FARS2: variants seen among roughly 807,000 people sequenced by gnomAD.
FARS2 encodes the protein phenylalanine--tRNA ligase, mitochondrial.
In FARS2, 40 loss-of-function variants were observed where a neutral mutation model predicts 46.4. The ratio of observed to expected loss-of-function variants is 0.86; its 90% CI spans 0.67 to 1.12. The LOEUF is 1.12. Ranked by LOEUF, FARS2 falls within the 50% of genes most tolerant of loss-of-function variation. The pLI is 0.00. For synonymous variants in FARS2, 234 were observed against 214.9 expected, an observed-to-expected ratio of 1.09 and a Z score of -0.78; for missense variants, 513 against 567.9, an observed-to-expected ratio of 0.90 and a Z score of 0.98.
intron 1 of FARS2, among the ~76,000 whole-genome samples, chr6:5,332,234 G>A (rs1482538475): frequency 1.3e-5 from 2 of 152,172 alleles, no homozygotes; most frequent in Non-Finnish European, 2.9e-5. Context: ...GCAGTGGGTT[G>A]TATGCTGGAA....
intron 1 of FARS2, among the ~76,000 whole-genome samples, chr6:5,300,247 A>T (rs1229951395): frequency 6.6e-6 from 1 of 152,124 alleles, no homozygotes; most frequent in East Asian, 1.9e-4. Flanking sequence ...ACCTTTTTTG[A>T]TATAGGTAGA....
At chr6:5,563,708 G>A (rs574508360) in intron 5 of FARS2, among the ~76,000 whole-genome samples, 1 of 152,288 alleles carries the variant, frequency 6.6e-6, no homozygotes, top group South Asian at 2.1e-4. Flanking sequence ...GCACCATTTG[G>A]AGTTTGATTG....
chr6:5,653,571 C>A (rs935337067), intron 6 of FARS2, among the ~76,000 whole-genome samples: 1 of 152,282 alleles, frequency 6.6e-6, no homozygotes, highest in African/African-American at 2.4e-5. Flanking sequence ...TCTGACGAGA[C>A]TGGTGTATGA....
At chr6:5,434,050 C>T (rs773216250) in intron 4 of FARS2, among the ~76,000 whole-genome samples, 8 of 152,054 alleles carry the variant, frequency 5.3e-5, no homozygotes, top group Admixed American at 1.3e-4. Context: ...TTCAGAGATT[C>T]GCAGTGATGG....
intron 4 of FARS2, among the ~76,000 whole-genome samples, chr6:5,434,225 C>T (rs1271926859): frequency 6.6e-6 from 1 of 152,124 alleles, no homozygotes; most frequent in Non-Finnish European, 1.5e-5. Flanking sequence ...GATTCTTGTG[C>T]CTCAGCCTCC....
At chr6:5,580,990 C>T (rs772532794) in intron 5 of FARS2, among the ~76,000 whole-genome samples, 9 of 152,214 alleles carry the variant, frequency 5.9e-5, no homozygotes, top group Non-Finnish European at 1.2e-4. Context: ...CCTCTGTGTG[C>T]ATGAAATTAA....
At chr6:5,377,220 C>T (rs1270459309) in intron 2 of FARS2, among the ~76,000 whole-genome samples, 1 of 152,198 alleles carries the variant, frequency 6.6e-6, no homozygotes. Flanking sequence ...GACCAGTGCT[C>T]AGACAAGTTC....
At chr6:5,484,542 C>T (rs1178054807) in intron 4 of FARS2, among the ~76,000 whole-genome samples, 1 of 152,194 alleles carries the variant, frequency 6.6e-6, no homozygotes, top group African/African-American at 2.4e-5. Context: ...TTAGTATAAA[C>T]TGAAATAGCC....
chr6:5,636,501 A>G (rs1421779128), intron 6 of FARS2, among the ~76,000 whole-genome samples: 1 of 152,212 alleles, frequency 6.6e-6, no homozygotes, highest in Admixed American at 6.5e-5. Context: ...AGGAATTTAC[A>G]ATTGGCAATG....
intron 6 of FARS2, among the ~76,000 whole-genome samples, chr6:5,640,212 G>A (rs1314029756): frequency 6.6e-6 from 1 of 151,588 alleles, no homozygotes; most frequent in African/African-American, 2.4e-5. Flanking sequence ...GTGTACACAC[G>A]TACTTGCACA....
chr6:5,585,399 T>C (rs1046160755), intron 5 of FARS2, among the ~76,000 whole-genome samples: 5 of 152,156 alleles, frequency 3.3e-5, no homozygotes, highest in Non-Finnish European at 5.9e-5. Context: ...ATAGTAACCA[T>C]ACTGTGTATT....
At chr6:5,355,104 T>C (rs141145719) in intron 1 of FARS2, among the ~76,000 whole-genome samples, 2 of 152,292 alleles carry the variant, frequency 1.3e-5, no homozygotes, top group East Asian at 3.9e-4. Context: ...TTTTAAAATA[T>C]TTTAATTTTG....
chr6:5,673,127 T>C (rs762731183), intron 6 of FARS2, among the ~76,000 whole-genome samples: 11 of 152,138 alleles, frequency 7.2e-5, no homozygotes, highest in Non-Finnish European at 1.3e-4. Context: ...GAAAGGCAAA[T>C]GATAGAATAT....
intron 6 of FARS2, among the ~76,000 whole-genome samples, chr6:5,640,713 C>T (rs547539801): frequency 2.4e-4 from 36 of 152,340 alleles, no homozygotes; most frequent in African/African-American, 8.2e-4. Context: ...AACAATACTG[C>T]ACACCAGACA....
intron 4 of FARS2, among the ~76,000 whole-genome samples, chr6:5,486,592 G>A (rs1228425305): frequency 6.6e-6 from 1 of 152,204 alleles, no homozygotes; most frequent in East Asian, 1.9e-4. Context: ...AGCCAGTGCT[G>A]TATTGATAAG....
chr6:5,535,487 A>G (rs931811161), intron 4 of FARS2, among the ~76,000 whole-genome samples: 4 of 151,976 alleles, frequency 2.6e-5, no homozygotes, highest in Non-Finnish European at 4.4e-5. Flanking sequence ...TTCAGTTGGG[A>G]TGTCTTTTAT....
At chr6:5,377,526 CATT>C (rs147771430) in intron 2 of FARS2, among the ~76,000 whole-genome samples, 20,864 of 151,800 alleles carry the variant, frequency 0.14, 2,063 homozygotes, top group African/African-American at 0.29. Context: ...ATTCTGTCTC[CATT>C]ATTATTATTA....
chr6:5,646,516 AG>A (rs888087322), intron 6 of FARS2, among the ~76,000 whole-genome samples: 1 of 152,056 alleles, frequency 6.6e-6, no homozygotes, highest in Non-Finnish European at 1.5e-5. Flanking sequence ...TGAAAAGAGG[AG>A]GGGTTTTTAA....
intron 6 of FARS2, among the ~76,000 whole-genome samples, chr6:5,740,311 T>A (rs1471204416): frequency 6.6e-6 from 1 of 152,188 alleles, no homozygotes; most frequent in Non-Finnish European, 1.5e-5. Flanking sequence ...AAGGAAACTA[T>A]TCGAAATAAG....
Sources: gnomAD v4.1 joint callset for allele counts (sites outside exome capture counted in the v4.1 genomes callset) on GRCh38, gnomAD v4.1.1 for gene constraint, MANE v1.5 for transcripts, NCBI Gene and HGNC (gene_info 2026-07-23, HGNC 2026-07-21) for gene names.